Variants in AP1S1 observed in about 807,000 individuals in gnomAD.
AP1S1 encodes the protein adaptor related protein complex 1 subunit sigma 1.
A neutral mutation model predicts 23.9 loss-of-function variants in AP1S1; 13 were observed. The ratio of observed to expected loss-of-function variants is 0.54; its 90% CI spans 0.35 to 0.86. The LOEUF (loss-of-function observed/expected upper bound fraction) is 0.86, where lower values mean the gene tolerates loss of function less well. AP1S1 is among the 40% of genes least tolerant of loss of function. AP1S1 has a pLI of 0.01. For synonymous variants in AP1S1, 84 were observed against 77.7 expected (o/e 1.08, Z -0.43); for missense variants, 119 against 197.6 (o/e 0.60, Z 2.38).
At chr7:101,154,606 C>G (rs767585511) in intron 1 of AP1S1, 89 bp downstream of exon 1, 2 of 1,513,826 alleles carry the variant, frequency 1.3e-6, no homozygotes, top group Non-Finnish European at 1.8e-6. Flanking sequence ...CGGGGTGAAC[C>G]GCCCTGTCTT....
intron 3 of AP1S1, among the ~76,000 whole-genome samples, chr7:101,158,836 G>T (rs1797037119): frequency 6.6e-6 from 1 of 152,230 alleles, no homozygotes; most frequent in Non-Finnish European, 1.5e-5. Flanking sequence ...CCAGGAGTTT[G>T]AGGCTGCAGT....
At position 101,157,376 on chromosome 7, in the gene AP1S1, G is replaced by C. The variant is rs754496700; in HGVS notation, c.183-1G>C. 1.3e-6 allele frequency: 2 copies of C among 1,565,634 alleles called. No homozygotes were observed. The highest frequency in any genetic ancestry group is 3.8e-5 in the Admixed American group (2 of 52,830). Reference sequence around the variant, plus strand: ...GATGTCTCATGCGCTCCTCTCCGCAGATATGCCAGCCTCTACTTCTGCTGC... The same window carrying C: ...GATGTCTCATGCGCTCCTCTCCGCACATATGCCAGCCTCTACTTCTGCTGC... On this transcript the variant is annotated splice_acceptor_variant, in intron 2 of 4. Coordinates refer to ENST00000337619, the MANE Select transcript of AP1S1 (RefSeq NM_001283.5). LOFTEE classifies it high-confidence loss of function.
rs747343573 is a variant in AP1S1, at chr7:101,159,061, G to A, written c.294G>A (p.Val98=). Residue 98 remains valine, a splice_region_variant and synonymous_variant, in exon 4 of 5, where the codon GTG becomes GTA. Transcript: ENST00000337619. ...VELLDKYFGS[V]CELDIIFNFE... is the part of the protein sequence containing the mutation. ...TTAGCCTCTCCCCGCCCTCCCAGGT[G>A]TGCGAGCTGGACATCATCTTCAACT... 1.4e-5 allele frequency: 22 copies of A among 1,612,564 alleles called. No homozygotes were observed. The highest frequency in any genetic ancestry group is 1.7e-5 in the Non-Finnish European group (20 of 1,179,388).
chr7:101,156,569 G>C (rs757865020), intron 1 of AP1S1, 25 bp from the exon 2 acceptor site: 1 of 1,599,238 alleles, frequency 6.3e-7, no homozygotes, highest in Admixed American at 1.7e-5. Context: ...GGTTACCCTC[G>C]GTTCTGCCCT....
intron 3 of AP1S1, 131 bp from the exon 4 acceptor site, chr7:101,158,928 A>AT (rs1047584903): frequency 1.6e-6 from 2 of 1,251,984 alleles, no homozygotes; most frequent in Non-Finnish European, 2.2e-6. Context: ...AAACAAAAAA[A>AT]CTGAAAAAGC....
At chr7:101,157,580 T>A (rs1181341468) in intron 3 of AP1S1, 95 bp downstream of exon 3, 2 of 962,392 alleles carry the variant, frequency 2.1e-6, no homozygotes, top group East Asian at 5.3e-5. Flanking sequence ...CCTGGAAGTT[T>A]CAGGGGAGAG....
chr7:101,157,248 G>A, intron 2 of AP1S1, 129 bp from the exon 3 acceptor site: 1 of 649,368 alleles, frequency 1.5e-6, no homozygotes, highest in Non-Finnish European at 2.7e-6. Context: ...CTCTTTACAT[G>A]CCCTAGGGCC....
chr7:101,155,679 G>A (rs965683148), intron 1 of AP1S1, among the ~76,000 whole-genome samples: 1 of 152,184 alleles, frequency 6.6e-6, no homozygotes, highest in African/African-American at 2.4e-5. Context: ...GGATACCCCT[G>A]GGCATAGGCC....
In AP1S1 at chr7:101,155,782, C is replaced by T. The variant is rs1796982899; in HGVS notation, c.4-812C>T. On this transcript the variant is annotated intron_variant, in intron 1 of 4. Coordinates refer to ENST00000337619, the MANE Select transcript of AP1S1 (RefSeq NM_001283.5). ...AGGTAGCTTCTCCAGGGACAAAATACCAGATTTCAGCATGGTGATGGATAG... is the reference window on the plus strand; with the variant it reads ...AGGTAGCTTCTCCAGGGACAAAATATCAGATTTCAGCATGGTGATGGATAG... Among the ~76,000 whole-genome samples the T allele has an allele frequency of 2.0e-5, 3 of 152,074 alleles. No individual in the cohort carries two copies. The South Asian group carries it at 6.2e-4, about 31-fold the overall frequency.
intron 3 of AP1S1, among the ~76,000 whole-genome samples, chr7:101,158,489 C>G (rs1384662849): frequency 1.3e-5 from 2 of 152,156 alleles, no homozygotes; most frequent in African/African-American, 4.8e-5. Context: ...CTACCACAGC[C>G]TTTGGTGGGA....
Position 101,154,529 on chromosome 7 carries a change from G to T in AP1S1, c.3+12G>T. On this transcript the variant is annotated intron_variant, in intron 1 of 4. Coordinates refer to ENST00000337619, the MANE Select transcript of AP1S1 (RefSeq NM_001283.5). ...GAGGCTGCAGGATGGTAGGCTGTGCGAAGAGGGAGGGGAGGGGGAAGCGAG... is the reference window on the plus strand; with the variant it reads ...GAGGCTGCAGGATGGTAGGCTGTGCTAAGAGGGAGGGGAGGGGGAAGCGAG... 1 of 1,568,172 alleles carries T rather than the reference G, an allele frequency of 6.4e-7. No homozygotes were observed. The highest frequency in any genetic ancestry group is 1.9e-5 in the Admixed American group (1 of 52,874).
chr7:101,156,618 C>G lies in AP1S1; in HGVS notation c.28C>G (p.Arg10Gly). ...GATGCGGTTCATGCTATTATTCAGC[C>G]GGCAGGGAAAACTGCGGCTGCAAAA... MMRFMLLFS[R>G]QGKLRLQKWY... Residue 10 changes from arginine (R) to glycine (G), a missense_variant, in exon 2 of 5, where the codon CGG becomes GGG. By Grantham distance (125) the Arg-to-Gly change is moderately radical. Transcript: ENST00000337619. 6.2e-7 allele frequency: 1 copy of G among 1,612,394 alleles called. No homozygotes were observed. Among genetic ancestry groups the G allele is most frequent in the Non-Finnish European group, 8.5e-7 (1 of 1,179,306 alleles).
In AP1S1 at chr7:101,160,491, C is replaced by T. The variant is rs768530646; in HGVS notation, c.430-28C>T. 428 of 1,609,062 alleles carry T rather than the reference C, an allele frequency of 2.7e-4. 2 individuals carry two copies. Among genetic ancestry groups the T allele is most frequent in the Admixed American group, 1.8e-3 (105 of 59,996 alleles). On this transcript the variant is annotated intron_variant, in intron 4 of 4. Coordinates refer to ENST00000337619, the MANE Select transcript of AP1S1 (RefSeq NM_001283.5). ...CTGTCGGCCTCTCCTGGTGTCTCTG[C>T]GTCACCCTCTGTCTGTCTCTGCCTT... is the stretch of plus-strand genomic sequence containing the variant.
At chr7:101,156,429 G>T (rs1796992125) in intron 1 of AP1S1, 165 bp from the exon 2 acceptor site, 1 of 768,114 alleles carries the variant, frequency 1.3e-6, no homozygotes, top group Admixed American at 2.9e-5. Context: ...GCCAGGATTT[G>T]AACCCAGCTG....
chr7:101,156,225 C>T (rs6465788), intron 1 of AP1S1, among the ~76,000 whole-genome samples: 23,271 of 152,138 alleles, frequency 0.15, 1,889 homozygotes, highest in South Asian at 0.18. Context: ...GAGAGAGACT[C>T]TGTCTCAAAA....
chr7:101,155,654 A>G (rs1796981341), intron 1 of AP1S1, among the ~76,000 whole-genome samples: 1 of 152,218 alleles, frequency 6.6e-6, no homozygotes, highest in African/African-American at 2.4e-5. Context: ...TGTTGGAGAT[A>G]CATACTACAG....
At position 101,156,379 on chromosome 7, in the gene AP1S1, T is replaced by TA. The variant is rs550671658; in HGVS notation, c.4-214dup. The TA allele has an allele frequency of 1.7e-3, 900 of 538,330 alleles. 4 individuals are homozygous for TA. Among genetic ancestry groups the TA allele is most frequent in the Non-Finnish European group, 2.1e-3 (648 of 305,184 alleles). The allele number at this position is 538,330 out of a possible 1,614,324, so 33.3% of individuals were successfully genotyped here. ...ATAAGGAAACTGAGGCCCAGAGACT[T>TA]ACAGTAGTAATTGGGCCAAGGCCTT... On this transcript the variant is annotated intron_variant, in intron 1 of 4. Coordinates refer to ENST00000337619, the MANE Select transcript of AP1S1 (RefSeq NM_001283.5).
Position 101,156,669 on chromosome 7 carries a change from G to A in AP1S1, c.79G>A (p.Glu27Lys), listed in dbSNP as rs891971580. 25 of 1,611,866 alleles carry A rather than the reference G, an allele frequency of 1.6e-5. No individual in the cohort carries two copies. Among genetic ancestry groups the A allele is most frequent in the Non-Finnish European group, 2.0e-5 (23 of 1,179,108 alleles). ...ATGGTACCTGGCCACTTCGGACAAG[G>A]AACGGAAGAAGATGGTGCGCGAGCT... Reference protein sequence around the residue: ...QKWYLATSDKERKKMVRELMQ... With the variant: ...QKWYLATSDKKRKKMVRELMQ... The change falls in exon 2 of 5, where the codon GAA becomes AAA. Residue 27 changes from glutamate to lysine, a missense_variant. Transcript: ENST00000337619.
intron 1 of AP1S1, 84 bp downstream of exon 1, chr7:101,154,601 T>C (rs1332825242): frequency 5.3e-6 from 8 of 1,513,440 alleles, no homozygotes; most frequent in Admixed American, 4.1e-5. Context: ...GCCCTCGGGG[T>C]GAACCGCCCT....
Sources: gnomAD v4.1 joint callset for allele counts (sites outside exome capture counted in the v4.1 genomes callset) on GRCh38, gnomAD v4.1.1 for gene constraint, MANE v1.5 for transcripts, NCBI Gene and HGNC (gene_info 2026-07-23, HGNC 2026-07-21) for gene names.